Variants in ANKMY1 observed in about 807,000 individuals in gnomAD.
ANKMY1 encodes ankyrin repeat and MYND domain containing 1.
Under a neutral mutation model 102.0 loss-of-function variants are expected in ANKMY1, and 98 were observed. That is an observed-to-expected ratio of 0.96 (90% confidence interval 0.82 to 1.14). The LOEUF (loss-of-function observed/expected upper bound fraction) is 1.14. Ranked by LOEUF, ANKMY1 falls within the 50% of genes most tolerant of loss-of-function variation. The probability of loss-of-function intolerance (pLI) is 0.00; values close to 1 mark genes in which losing one functional copy is unlikely to be tolerated. For synonymous variants in ANKMY1, 582 were observed against 559.9 expected, an observed-to-expected ratio of 1.04 and a Z score of -0.56; for missense variants, 1,330 against 1,347.6, an observed-to-expected ratio of 0.99 and a Z score of 0.20.
At chr2:240,553,983 A>C (rs2091961843) in intron 3 of ANKMY1, 1 of 152,128 alleles carries the variant, frequency 6.6e-6, no homozygotes, top group Non-Finnish European at 1.5e-5. Flanking sequence ...TTTTTCTCAG[A>C]AACAGGGTGG....
At chr2:240,495,586 C>T (rs2077153239) in intron 15 of ANKMY1, among the ~76,000 whole-genome samples, 1 of 152,280 alleles carries the variant, frequency 6.6e-6, no homozygotes, top group Middle Eastern at 3.4e-3. Flanking sequence ...ACCCATGTGA[C>T]CTTACCTATC....
chr2:240,559,993 A>T (rs1325327156), upstream of ANKMY1: 1 of 152,410 alleles, frequency 6.6e-6, no homozygotes, highest in Non-Finnish European at 1.5e-5. Context: ...GTGATATTAA[A>T]TTTTTTAAAG....
chr2:240,471,626 G>A, the ANKMY1 span, among the ~76,000 whole-genome samples: 15 of 152,174 alleles, frequency 9.9e-5, no homozygotes, highest in African/African-American at 2.9e-4. Flanking sequence ...TGGAAGTAAT[G>A]TCAGCAAGAT....
At chr2:240,480,152 A>C (rs1476808303) in intron 17 of ANKMY1, among the ~76,000 whole-genome samples, 2 of 152,230 alleles carry the variant, frequency 1.3e-5, no homozygotes, top group African/African-American at 2.4e-5. Context: ...AGATCATGCC[A>C]CTGCACTCCA....
At chr2:240,542,637 T>C (rs1249034907) in intron 4 of ANKMY1, among the ~76,000 whole-genome samples, 1 of 152,026 alleles carries the variant, frequency 6.6e-6, no homozygotes, top group Non-Finnish European at 1.5e-5. Flanking sequence ...TGAGTTTGTA[T>C]TGCTATCTCA....
Position 240,500,343 on chromosome 2 carries a change from G to A in ANKMY1, c.2640+109C>T, listed in dbSNP as rs371508810. 868 of 1,283,274 alleles carry A rather than the reference G, an allele frequency of 6.8e-4. 4 individuals carry two copies. In the African/African-American group the frequency reaches 0.011, roughly 17 times the overall value. 79.5% of individuals were successfully genotyped at this position (1,283,274 alleles called of 1,614,324 possible). A position where few individuals can be genotyped will look rare whatever the true frequency, so the allele number is the denominator to read the frequency against. ...GCCAAGGGGCTGCTCTGGGGGCGGC[G>A]CTAGGAACCTTGAGCCCAGCTTTGC... On this transcript the variant is annotated intron_variant, in intron 14 of 17. Transcript: ENST00000401804.
intron 15 of ANKMY1, among the ~76,000 whole-genome samples, chr2:240,494,252 G>A (rs980968538): frequency 6.6e-6 from 1 of 152,148 alleles, no homozygotes; most frequent in African/African-American, 2.4e-5. Flanking sequence ...CTCTGCTACT[G>A]GAGAGGGTGG....
Position 240,520,131 on chromosome 2 carries a change from T to C in ANKMY1, c.2004+231A>G. ...AACACTGGGAAAAAAATCACACGGA[T>C]CGTGAAGTACTCTAAAAACTAGCTC... is the stretch of plus-strand genomic sequence containing the variant. On this transcript the variant is annotated intron_variant, in intron 9 of 17. Transcript: ENST00000401804. The surrounding 1 kb of genome is among the most constrained non-coding windows in gnomAD (Gnocchi z 4.8). The C allele has an allele frequency of 1.3e-6, 1 of 748,940 alleles. No homozygotes were observed. The highest frequency in any genetic ancestry group is 2.4e-6 in the Non-Finnish European group (1 of 419,306). 46.4% of individuals were successfully genotyped at this position (748,940 alleles called of 1,614,324 possible).
rs773865317 is a variant in ANKMY1, at chr2:240,526,312, A to G, written c.1087T>C (p.Trp363Arg). Residue 363 changes from tryptophan to arginine, a missense_variant, in exon 6 of 18, where the codon TGG (tryptophan) becomes CGG (arginine). Trp to Arg is a moderately radical substitution (Grantham distance 101, BLOSUM62 -3). Coordinates refer to ENST00000401804, the MANE Select transcript of ANKMY1 (RefSeq NM_001282771.3). ...ILKAEEGNHE[W>R]ICRILKDNFA... ...TTGTCCTTCAGGATCCTACAAATCCATTCGTGGTTCCCTTCCTCAGCCTTT... is the reference window on the plus strand; with the variant it reads ...TTGTCCTTCAGGATCCTACAAATCCGTTCGTGGTTCCCTTCCTCAGCCTTT... 1 of 1,614,198 alleles carries G rather than the reference A, an allele frequency of 6.2e-7. No individual in the cohort carries two copies. Among genetic ancestry groups the G allele is most frequent in the Non-Finnish European group, 8.5e-7 (1 of 1,180,032 alleles).
the ANKMY1 span, among the ~76,000 whole-genome samples, chr2:240,471,951 T>A: frequency 6.6e-6 from 1 of 152,092 alleles, no homozygotes; most frequent in Non-Finnish European, 1.5e-5. Context: ...CCATCCCCCC[T>A]GAAGGCAGGC....
Position 240,524,181 on chromosome 2 carries a change from G to A in ANKMY1, c.1536C>T (p.Ser512=). 1 of 1,613,880 alleles carries A rather than the reference G, an allele frequency of 6.2e-7. No individual in the cohort carries two copies. The highest frequency in any genetic ancestry group is 1.1e-5 in the South Asian group (1 of 91,082). ...HFQDTGQCGG[S]IDHRSSSLKG... ...TCAGAGAGCTGCTCCTGTGGTCTATGGACCCCCCACACTGCCCGGTGTCCT... is the reference window on the plus strand; with the variant it reads ...TCAGAGAGCTGCTCCTGTGGTCTATAGACCCCCCACACTGCCCGGTGTCCT... Residue 512 remains serine, a synonymous_variant, in exon 8 of 18, where the codon TCC becomes TCT. Coordinates refer to ENST00000401804, the MANE Select transcript of ANKMY1 (RefSeq NM_001282771.3).
intron 13 of ANKMY1, among the ~76,000 whole-genome samples, chr2:240,507,354 C>T (rs530400472): frequency 1.1e-4 from 17 of 148,758 alleles, no homozygotes; most frequent in Non-Finnish European, 2.1e-4. Context: ...CCAGGGCCAC[C>T]CCAACCTCCC....
At chr2:240,528,293 A>ACCCC (rs562534743) in intron 5 of ANKMY1, among the ~76,000 whole-genome samples, 11 of 78,978 alleles carry the variant, frequency 1.4e-4, no homozygotes, top group Non-Finnish European at 1.8e-4. Flanking sequence ...GCCTGCCCCC[A>ACCCC]CCCCCCCCCC....
rs554087640 is a variant in ANKMY1 at position 240,511,392 on chromosome 2, C to T, written c.2286+469G>A. ...TCAGTTTCCCCGCATCCACCCCAGC[C>T]GCTGGGCATCCTCGGAGTGGTTCCC... On this transcript the variant is annotated intron_variant, in intron 11 of 17. Transcript: ENST00000401804. Among the ~76,000 whole-genome samples the T allele has an allele frequency of 3.1e-4, 47 of 152,376 alleles. 2 individuals carry two copies. The South Asian group carries it at 8.5e-3, about 28-fold the overall frequency.
chr2:240,471,348 T>G, the ANKMY1 span, among the ~76,000 whole-genome samples: 160 of 148,180 alleles, frequency 1.1e-3, no homozygotes, highest in African/African-American at 4.0e-3. Flanking sequence ...GACCTCTGCC[T>G]CCCGGGTTCA....
intron 15 of ANKMY1, among the ~76,000 whole-genome samples, chr2:240,494,881 T>C (rs2077046863): frequency 6.6e-6 from 1 of 152,054 alleles, no homozygotes; most frequent in Non-Finnish European, 1.5e-5. Context: ...GCTGTTCCAG[T>C]GTAATAAAAC....
At position 240,524,299 on chromosome 2, in the gene ANKMY1, T is replaced by A. The variant is rs771332354; in HGVS notation, c.1418A>T (p.Asn473Ile). The A allele has an allele frequency of 1.2e-6, 2 of 1,613,802 alleles. No homozygotes were observed. The highest frequency in any genetic ancestry group is 1.6e-4 in the Middle Eastern group (1 of 6,062). ...CTCATAGCTACCCTGGGAAGGCACG[T>A]TCACCTCATAGTACAGAGACTCCAG... ...TNLESLYYEVNVPSQGSYELR... is the reference protein window; with the variant it reads ...TNLESLYYEVIVPSQGSYELR... The change falls in exon 8 of 18, where the codon AAC (asparagine) becomes ATC (isoleucine). Residue 473 changes from asparagine to isoleucine, a missense_variant. Transcript: ENST00000401804.
chr2:240,494,222 T>C (rs948185945), intron 15 of ANKMY1, among the ~76,000 whole-genome samples: 3 of 152,048 alleles, frequency 2.0e-5, no homozygotes, highest in African/African-American at 7.2e-5. Flanking sequence ...AGGTGAGAGA[T>C]GGTAGTATCC....
chr2:240,526,497 C>A, intron 5 of ANKMY1, 52 bp from the exon 6 acceptor site: 1 of 1,609,344 alleles, frequency 6.2e-7, no homozygotes, highest in Non-Finnish European at 8.5e-7. Flanking sequence ...GCACCTCCCA[C>A]GAGAAAGGGT....
Sources: gnomAD v4.1 joint callset for allele counts (sites outside exome capture counted in the v4.1 genomes callset) on GRCh38, gnomAD v4.1.1 for gene constraint, Gnocchi (gnomAD v3.1) non-coding constraint, MANE v1.5 for transcripts, NCBI Gene and HGNC (gene_info 2026-07-23, HGNC 2026-07-21) for gene names.